Variants in CTNNA3 observed in about 807,000 individuals in gnomAD.
CTNNA3 encodes the protein catenin alpha 3, also known as catenin alpha-3.
A neutral mutation model predicts 95.7 loss-of-function variants in CTNNA3; 76 were observed. The observed-to-expected ratio is 0.79, with a 90% CI of 0.66 to 0.96. The LOEUF (loss-of-function observed/expected upper bound fraction) is 0.96. Ranked by LOEUF, CTNNA3 falls within the 40% of genes least tolerant of loss-of-function variation. The pLI is 0.00. For missense variants in CTNNA3, 1,191 were observed against 1,089.8 expected, an observed-to-expected ratio of 1.09 and a Z score of -1.31; for synonymous variants, 431 against 374.4, an observed-to-expected ratio of 1.15 and a Z score of -1.74.
intron 7 of CTNNA3, among the ~76,000 whole-genome samples, chr10:67,005,813 G>A (rs1851952339): frequency 6.7e-6 from 1 of 149,140 alleles, no homozygotes; most frequent in Non-Finnish European, 1.5e-5. Flanking sequence ...AGCCTCCCGA[G>A]TAACTGGGAT....
At position 67,113,236 on chromosome 10, in the gene CTNNA3, A is replaced by AT. The variant is rs576458871; in HGVS notation, c.1047+67080dup. 1.2e-4 allele frequency among the ~76,000 whole-genome samples: 18 copies of AT among 152,240 alleles called. 1 individual carries two copies. In the South Asian group the frequency reaches 2.1e-3, roughly 18 times the overall value. ...ACCAGAGATACTATTCTTTAAAAGA[A>AT]TTTTTTTTATTTTTACTGAAATGGT... On this transcript the variant is annotated intron_variant, in intron 7 of 17. Transcript: ENST00000433211.
chr10:66,829,188 C>T (rs1842623274), intron 7 of CTNNA3, among the ~76,000 whole-genome samples: 1 of 152,164 alleles, frequency 6.6e-6, no homozygotes, highest in African/African-American at 2.4e-5. Flanking sequence ...GTTCTAAGGG[C>T]TGTTAATAGA....
At chr10:67,632,845 T>C (rs1839190222) in intron 2 of CTNNA3, among the ~76,000 whole-genome samples, 1 of 152,042 alleles carries the variant, frequency 6.6e-6, no homozygotes, top group Non-Finnish European at 1.5e-5. Flanking sequence ...TGTCCGTATA[T>C]ATCCCTAGGA....
intron 5 of CTNNA3, among the ~76,000 whole-genome samples, chr10:67,485,285 A>C (rs1848399751): frequency 6.6e-6 from 1 of 152,178 alleles, no homozygotes; most frequent in African/African-American, 2.4e-5. Context: ...CATGGGCATA[A>C]GGATAGCAAC....
chr10:66,579,238 T>C (rs1037523506), intron 10 of CTNNA3, among the ~76,000 whole-genome samples: 2 of 151,964 alleles, frequency 1.3e-5, no homozygotes, highest in Middle Eastern at 3.4e-3. Context: ...ATTAATCTAG[T>C]TATTAATTTA....
intron 7 of CTNNA3, among the ~76,000 whole-genome samples, chr10:67,102,286 G>C (rs1858388480): frequency 6.6e-6 from 1 of 151,528 alleles, no homozygotes; most frequent in Non-Finnish European, 1.5e-5. Flanking sequence ...ATCAACAATT[G>C]GGCTTCATTT....
rs1030638599 is a variant in CTNNA3 at position 67,434,531 on chromosome 10, C to A, written c.579+87311G>T. Among the ~76,000 whole-genome samples, 6 of 152,014 alleles carry A rather than the reference C, an allele frequency of 3.9e-5. 1 individual carries two copies. The highest frequency in any genetic ancestry group is 3.9e-4 in the Admixed American group (6 of 15,234). On this transcript the variant is annotated intron_variant, in intron 5 of 17. Coordinates refer to ENST00000433211, the MANE Select transcript of CTNNA3 (RefSeq NM_013266.4). ...GCATCCCCTATTATTTGCTGAATGG[C>A]ATTTACTGACTATAAAAACTCAGGC...
intron 1 of CTNNA3, among the ~76,000 whole-genome samples, chr10:67,680,763 T>C (rs1039510746): frequency 3.3e-5 from 5 of 152,204 alleles, no homozygotes; most frequent in Non-Finnish European, 7.3e-5. Context: ...TAAATGACTT[T>C]TTAAAAAAGA....
chr10:66,447,306 C>A (rs1324173240), intron 11 of CTNNA3, among the ~76,000 whole-genome samples: 1 of 151,812 alleles, frequency 6.6e-6, no homozygotes, highest in Non-Finnish European at 1.5e-5. Context: ...ACTTTCTTCA[C>A]AGAATTGGAA....
At chr10:65,961,149 A>G (rs1358788613) in intron 17 of CTNNA3, among the ~76,000 whole-genome samples, 1 of 152,152 alleles carries the variant, frequency 6.6e-6, no homozygotes, top group Non-Finnish European at 1.5e-5. Context: ...ATAAATAAAA[A>G]TGTTAACAAA....
At chr10:66,681,021 C>T (rs918937107) in intron 9 of CTNNA3, among the ~76,000 whole-genome samples, 5 of 152,080 alleles carry the variant, frequency 3.3e-5, no homozygotes, top group Admixed American at 2.6e-4. Flanking sequence ...GTGTATATGG[C>T]ACAGAGGTGA....
intron 12 of CTNNA3, among the ~76,000 whole-genome samples, chr10:66,322,123 C>T (rs1277922129): frequency 1.3e-5 from 2 of 152,060 alleles, no homozygotes; most frequent in Admixed American, 1.3e-4. Flanking sequence ...TTTCTAAGTT[C>T]TGTGGAAAAC....
chr10:67,001,756 C>T (rs75001067), intron 7 of CTNNA3, among the ~76,000 whole-genome samples: 1,917 of 152,254 alleles, frequency 0.013, 37 homozygotes, highest in African/African-American at 0.038. Flanking sequence ...ACAAAAGGCA[C>T]ACTCACACTA....
intron 9 of CTNNA3, among the ~76,000 whole-genome samples, chr10:66,763,615 A>G (rs781158787): frequency 1.3e-5 from 2 of 152,218 alleles, no homozygotes; most frequent in Non-Finnish European, 2.9e-5. Context: ...TATTCCTTCT[A>G]TTGAGAAATG....
chr10:66,435,501 A>T (rs886474185), intron 11 of CTNNA3, among the ~76,000 whole-genome samples: 1 of 152,048 alleles, frequency 6.6e-6, no homozygotes, highest in Non-Finnish European at 1.5e-5. Context: ...GGTAGTTTGT[A>T]TTTCTGTGGG....
At position 66,719,598 on chromosome 10, in the gene CTNNA3, GA is replaced by G. The variant is rs554985941; in HGVS notation, c.1281+46665del. On this transcript the variant is annotated intron_variant, in intron 9 of 17. Coordinates refer to ENST00000433211, the MANE Select transcript of CTNNA3 (RefSeq NM_013266.4). ...CACCCCAGAAAAACTGCTATGACCA[GA>G]AGTATTGCAGAGACCAGGGTAACCA... 7.7e-4 allele frequency among the ~76,000 whole-genome samples: 117 copies of G among 152,256 alleles called. 1 individual carries two copies. Among genetic ancestry groups the G allele is most frequent in the African/African-American group, 2.7e-3 (111 of 41,558 alleles).
At chr10:66,198,339 G>A (rs2087098064) in intron 13 of CTNNA3, among the ~76,000 whole-genome samples, 1 of 152,008 alleles carries the variant, frequency 6.6e-6, no homozygotes, top group Non-Finnish European at 1.5e-5. Flanking sequence ...TGAAACTATC[G>A]GAAGGACAAC....
chr10:66,637,494 G>T (rs1313541261), intron 9 of CTNNA3, among the ~76,000 whole-genome samples: 2 of 152,238 alleles, frequency 1.3e-5, no homozygotes, highest in Non-Finnish European at 2.9e-5. Flanking sequence ...TCCAGTTTTT[G>T]ACCCTGTTTC....
At chr10:66,094,332 A>G (rs1469650393) in intron 14 of CTNNA3, among the ~76,000 whole-genome samples, 3 of 152,090 alleles carry the variant, frequency 2.0e-5, no homozygotes, top group Non-Finnish European at 2.9e-5. Context: ...TACAGAGGGC[A>G]TTAGGAGATT....
Sources: gnomAD v4.1 joint callset for allele counts (sites outside exome capture counted in the v4.1 genomes callset) on GRCh38, gnomAD v4.1.1 for gene constraint, MANE v1.5 for transcripts, NCBI Gene and HGNC (gene_info 2026-07-23, HGNC 2026-07-21) for gene names.